Variants in TNN observed in about 807,000 individuals in gnomAD.
TNN encodes the protein tenascin N.
In TNN, 122 loss-of-function variants were observed where a neutral mutation model predicts 134.4. The observed-to-expected ratio is 0.91, with a 90% CI of 0.78 to 1.06. The LOEUF is 1.06. Among genes scored for constraint, TNN ranks in the 50% least tolerant of loss-of-function variants. The pLI is 0.00. For missense variants in TNN, 1,739 were observed against 1,699.4 expected, an observed-to-expected ratio of 1.02 and a Z score of -0.41; for synonymous variants, 710 against 670.3, an observed-to-expected ratio of 1.06 and a Z score of -0.91.
intron 1 of TNN, among the ~76,000 whole-genome samples, chr1:175,075,531 A>G (rs1674020342): frequency 6.6e-6 from 1 of 152,196 alleles, no homozygotes; most frequent in Non-Finnish European, 1.5e-5. Flanking sequence ...CCTGGCCTCA[A>G]GTGATCCTCC....
chr1:175,099,223 A>C (rs117010710), intron 9 of TNN, among the ~76,000 whole-genome samples: 4 of 152,098 alleles, frequency 2.6e-5, no homozygotes. Flanking sequence ...TTTCTCTTGT[A>C]TTTTCTGCTG....
At chr1:175,146,864 C>A in intron 18 of TNN, 67 bp from the exon 19 acceptor site, 2 of 1,413,674 alleles carry the variant, frequency 1.4e-6, no homozygotes, top group Non-Finnish European at 1.9e-6. Context: ...TTCCTTTGTA[C>A]CATAACCCAC....
chr1:175,090,840 C>G (rs935010977), intron 6 of TNN, among the ~76,000 whole-genome samples: 10 of 152,158 alleles, frequency 6.6e-5, no homozygotes, highest in African/African-American at 2.4e-4. Flanking sequence ...ACAAACCTTA[C>G]TTTACATCTC....
chr1:175,128,007 G>A, intron 13 of TNN, 25 bp from the exon 14 acceptor site: 1 of 1,613,994 alleles, frequency 6.2e-7, no homozygotes, highest in Non-Finnish European at 8.5e-7. Flanking sequence ...GTCACTGGCT[G>A]TCTAATCTCT....
intron 4 of TNN, among the ~76,000 whole-genome samples, chr1:175,082,524 A>C (rs2149428060): frequency 6.6e-6 from 1 of 152,330 alleles, no homozygotes; most frequent in South Asian, 2.1e-4. Flanking sequence ...GCCTTCAGGG[A>C]ATTCCATCTT....
At chr1:175,126,869 A>C (rs1675541494) in intron 12 of TNN, 86 bp from the exon 13 acceptor site, 1 of 1,448,084 alleles carries the variant, frequency 6.9e-7, no homozygotes. Flanking sequence ...GGGTTTGAAA[A>C]GGGGAAAATA....
chr1:175,135,975 G>T (rs570652385), intron 16 of TNN, 34 bp downstream of exon 16: 3 of 1,500,048 alleles, frequency 2.0e-6, no homozygotes, highest in Non-Finnish European at 2.8e-6. Flanking sequence ...CTGGGGCTGT[G>T]GGGGGTGATT....
At chr1:175,093,216 G>C (rs570061850) in intron 6 of TNN, among the ~76,000 whole-genome samples, 1 of 152,306 alleles carries the variant, frequency 6.6e-6, no homozygotes, top group South Asian at 2.1e-4. Context: ...TGGCCTCCTT[G>C]CTGTTGCTTG....
intron 1 of TNN, among the ~76,000 whole-genome samples, chr1:175,069,992 G>A (rs1405192918): frequency 6.6e-6 from 1 of 152,196 alleles, no homozygotes; most frequent in Non-Finnish European, 1.5e-5. Flanking sequence ...GGATATTAGG[G>A]CTAATTGTAT....
Position 175,088,474 on chromosome 1 carries a change from T to C in TNN, c.1324+2980T>C, listed in dbSNP as rs535056850. On this transcript the variant is annotated intron_variant, in intron 6 of 18. Transcript: ENST00000239462. Reference sequence around the variant, plus strand: ...CATTATTTCTGGTTAATTTTCATACTGTTTGCTTCCTAACTGAAAAATTTT... The same window carrying C: ...CATTATTTCTGGTTAATTTTCATACCGTTTGCTTCCTAACTGAAAAATTTT... Among the ~76,000 whole-genome samples the C allele has an allele frequency of 6.6e-5, 10 of 152,340 alleles. No individual in the cohort carries two copies. The East Asian group carries it at 1.7e-3, about 27-fold the overall frequency.
Position 175,147,299 on chromosome 1 carries a change from G to C in TNN, c.*228G>C. 2.5e-6 allele frequency: 1 copy of C among 394,166 alleles called. No homozygotes were observed. The highest frequency in any genetic ancestry group is 4.4e-6 in the Non-Finnish European group (1 of 225,082). 24.4% of individuals were successfully genotyped at this position (394,166 alleles called of 1,614,324 possible). A position where few individuals can be genotyped will look rare whatever the true frequency, so the allele number is the denominator to read the frequency against. ...TTGCACAGTATGTGTAGGAAAGACAGTACTGGAACGGCAAGGTTTCTCAGC... is the reference window on the plus strand; with the variant it reads ...TTGCACAGTATGTGTAGGAAAGACACTACTGGAACGGCAAGGTTTCTCAGC... On this transcript the variant is annotated 3_prime_UTR_variant, in exon 19 of 19. Coordinates refer to ENST00000239462, the MANE Select transcript of TNN (RefSeq NM_022093.2).
In TNN at chr1:175,128,289, G is replaced by A. The variant is rs1055459358; in HGVS notation, c.3178+125G>A. On this transcript the variant is annotated intron_variant, in intron 14 of 18. Transcript: ENST00000239462. ...TTGATTTCTCTAGGCATGGGGAAGT[G>A]GAAATGGGGTTGTGTGTTCAAAAGA... 3 of 960,514 alleles carry A rather than the reference G, an allele frequency of 3.1e-6. No homozygotes were observed. The African/African-American group carries it at 4.9e-5, about 16-fold the overall frequency. The allele number at this position is 960,514 out of a possible 1,614,324, so 59.5% of individuals were successfully genotyped here. A position where few individuals can be genotyped will look rare whatever the true frequency, so the allele number is the denominator to read the frequency against.
In TNN at chr1:175,118,617, G is replaced by C; in HGVS notation, c.2443G>C (p.Val815Leu). 6.2e-7 allele frequency: 1 copy of C among 1,614,132 alleles called. No homozygotes were observed. The highest frequency in any genetic ancestry group is 8.5e-7 in the Non-Finnish European group (1 of 1,180,020). The change falls in exon 11 of 19, where the codon GTC becomes CTC. Residue 815 changes from valine to leucine, a missense_variant. Physicochemically the swap from Val to Leu is conservative, Grantham distance 32 (BLOSUM62 1). Coordinates refer to ENST00000239462, the MANE Select transcript of TNN (RefSeq NM_022093.2). Reference protein sequence around the residue: ...TDWVTENTATVSWDPVQATID... With the variant: ...TDWVTENTATLSWDPVQATID... ...CTGGGTGACAGAGAATACAGCCACTGTCTCCTGGGACCCGGTGCAGGCCAC... is the reference window on the plus strand; with the variant it reads ...CTGGGTGACAGAGAATACAGCCACTCTCTCCTGGGACCCGGTGCAGGCCAC...
chr1:175,088,751 G>A (rs1174294424), intron 6 of TNN, among the ~76,000 whole-genome samples: 2 of 152,202 alleles, frequency 1.3e-5, no homozygotes, highest in African/African-American at 2.4e-5. Context: ...ATTGCAGGAT[G>A]TATCTGGGCC....
intron 12 of TNN, among the ~76,000 whole-genome samples, chr1:175,126,247 G>A (rs567779023): frequency 2.2e-4 from 33 of 151,308 alleles, no homozygotes; most frequent in African/African-American, 7.0e-4. Context: ...GATGACAGGC[G>A]ACCACCACCA....
chr1:175,077,032 T>C (rs1674057312), intron 1 of TNN, among the ~76,000 whole-genome samples: 1 of 152,200 alleles, frequency 6.6e-6, no homozygotes. Context: ...GAGGATAATA[T>C]TAGCGTTGCT....
chr1:175,096,708 A>G (rs896078342), intron 7 of TNN, among the ~76,000 whole-genome samples: 1 of 152,240 alleles, frequency 6.6e-6, no homozygotes, highest in Non-Finnish European at 1.5e-5. Context: ...AGCATTTGCT[A>G]TGCAATATCT....
At chr1:175,105,211 G>A (rs1411139935) in intron 9 of TNN, among the ~76,000 whole-genome samples, 1 of 145,916 alleles carries the variant, frequency 6.9e-6, no homozygotes, top group Non-Finnish European at 1.5e-5. Context: ...GACCCTGTAG[G>A]ACATCTATGT....
Position 175,079,427 on chromosome 1 carries a change from G to T in TNN, c.504G>T (p.Arg168=). 1 of 1,586,212 alleles carries T rather than the reference G, an allele frequency of 6.3e-7. No individual in the cohort carries two copies. The highest frequency in any genetic ancestry group is 8.5e-7 in the Non-Finnish European group (1 of 1,169,658). The part of the protein sequence containing the change: ...EEGREGPACE[R]LACPGACSGH... Reference sequence around the variant, plus strand: ...GCAGGGAGGGCCCCGCCTGCGAGCGGCTGGCCTGCCCCGGGGCGTGCAGCG... The same window carrying T: ...GCAGGGAGGGCCCCGCCTGCGAGCGTCTGGCCTGCCCCGGGGCGTGCAGCG... The change falls in exon 3 of 19, where the codon CGG becomes CGT. Residue 168 remains arginine (R), a synonymous_variant. Coordinates refer to ENST00000239462, the MANE Select transcript of TNN (RefSeq NM_022093.2).
Sources: allele counts gnomAD v4.1 joint callset (sites outside exome capture counted in the v4.1 genomes callset), GRCh38; gene constraint gnomAD v4.1.1; transcripts MANE v1.5; gene names NCBI Gene and HGNC (gene_info 2026-07-23, HGNC 2026-07-21).